The following SSC5D variants were observed in gnomAD, a reference collection of about 807,000 sequenced individuals.
The protein encoded by SSC5D is soluble scavenger receptor cysteine-rich domain-containing protein SSC5D.
Under a neutral mutation model 104.6 loss-of-function variants are expected in SSC5D, and 106 were observed. The ratio of observed to expected loss-of-function variants is 1.01; its 90% confidence interval spans 0.87 to 1.19. The LOEUF is 1.19. SSC5D is among the 50% of genes most tolerant of loss of function. SSC5D has a pLI of 0.00. For synonymous variants in SSC5D, 860 were observed against 883.5 expected (o/e 0.97, Z 0.47); for missense variants, 1,993 against 2,153.8 (o/e 0.93, Z 1.48).
Position 55,493,794 on chromosome 19 carries a change from C to T in SSC5D, c.1095C>T (p.Pro365=), listed in dbSNP as rs1349140934. 6.5e-7 allele frequency: 1 copy of T among 1,548,586 alleles called. No homozygotes were observed. Among genetic ancestry groups the T allele is most frequent in the Admixed American group, 2.0e-5 (1 of 50,902 alleles). ...GGAFFGEGSG[P]IILDDLRCRG... ...CCTTCTTTGGGGAGGGGTCTGGACC[C>T]ATCATCCTGGACGACCTTCGGTGTC... The change falls in exon 7 of 14, where the codon CCC becomes CCT. Residue 365 remains proline, a synonymous_variant. Transcript: ENST00000389623.
chr19:55,516,894 T>A (rs1372316843), intron 13 of SSC5D, among the ~76,000 whole-genome samples: 1 of 151,312 alleles, frequency 6.6e-6, no homozygotes, highest in Non-Finnish European at 1.5e-5. Context: ...TTCTGAGCAC[T>A]CCCGCCCCCT....
At chr19:55,506,585 G>A (rs1321991492) in intron 12 of SSC5D, among the ~76,000 whole-genome samples, 3 of 151,496 alleles carry the variant, frequency 2.0e-5, no homozygotes, top group South Asian at 2.1e-4. Flanking sequence ...TAGTAGAGAC[G>A]GGGTTTCACT....
chr19:55,513,104 C>A lies in SSC5D; in HGVS notation c.2879C>A (p.Pro960Gln). The A allele has an allele frequency of 1.3e-6, 2 of 1,548,326 alleles. No individual in the cohort carries two copies. Among genetic ancestry groups the A allele is most frequent in the Non-Finnish European group, 1.7e-6 (2 of 1,144,868 alleles). The change falls in exon 13 of 14, where the codon CCA becomes CAA. Residue 960 changes from proline to glutamine, a missense_variant. Physicochemically the swap from Pro to Gln is moderately conservative, Grantham distance 76. Coordinates refer to ENST00000389623, the MANE Select transcript of SSC5D (RefSeq NM_001144950.2). ...ACCCCTACCGCAGGCAAACTAGGACCAACTCTTGGGGCTGGCACCACCAGG... is the reference window on the plus strand; with the variant it reads ...ACCCCTACCGCAGGCAAACTAGGACAAACTCTTGGGGCTGGCACCACCAGG... Reference protein sequence around the residue: ...EGTPTAGKLGPTLGAGTTRSP... With the variant: ...EGTPTAGKLGQTLGAGTTRSP...
Position 55,498,009 on chromosome 19 carries a change from G to A in SSC5D, c.1517G>A (p.Arg506Gln), listed in dbSNP as rs1476437765. The change falls in exon 9 of 14, where the codon CGG (arginine) becomes CAG (glutamine). Residue 506 changes from arginine (R) to glutamine (Q), a missense_variant. Physicochemically the swap from Arg to Gln is conservative, Grantham distance 43. This residue lies in a region of SSC5D where 1,101 missense variants were observed against 1,085.0 expected (regional missense o/e 1.01). Transcript: ENST00000389623. Reference protein sequence around the residue: ...WDMRDSAVVCRELGCGGPQQP... With the variant: ...WDMRDSAVVCQELGCGGPQQP... Reference sequence around the variant, plus strand: ...ATGCGGGATTCAGCTGTGGTCTGCCGGGAGCTGGGCTGTGGTGGACCTCAG... The same window carrying A: ...ATGCGGGATTCAGCTGTGGTCTGCCAGGAGCTGGGCTGTGGTGGACCTCAG... 46 of 1,551,640 alleles carry A rather than the reference G, an allele frequency of 3.0e-5. No individual in the cohort carries two copies. The highest frequency in any genetic ancestry group is 3.7e-5 in the Non-Finnish European group (42 of 1,147,022).
chr19:55,499,872 C>T lies in SSC5D; in HGVS notation c.1762C>T (p.Leu588=). ...DPFSWSWIPG[L]GRDRDAWLPG... is the part of the protein sequence containing the mutation. ...CTTCAGCTGGAGCTGGATTCCTGGA[C>T]TGGGGAGAGATCGGGATGCCTGGCT... The change falls in exon 10 of 14, where the codon CTG becomes TTG. Residue 588 remains leucine (L), a synonymous_variant. Coordinates refer to ENST00000389623, the MANE Select transcript of SSC5D (RefSeq NM_001144950.2). 1 of 1,551,654 alleles carries T rather than the reference C, an allele frequency of 6.4e-7. No homozygotes were observed.
chr19:55,489,109 A>G, intron 2 of SSC5D, 77 bp downstream of exon 2: 2 of 785,032 alleles, frequency 2.5e-6, no homozygotes, highest in Non-Finnish European at 3.3e-6. Context: ...GCCTGGCCTC[A>G]CCCCCACTGG....
At chr19:55,508,668 G>C (rs1331756886) in intron 12 of SSC5D, among the ~76,000 whole-genome samples, 2 of 54,780 alleles carry the variant, frequency 3.7e-5, no homozygotes, top group Non-Finnish European at 6.2e-5. Flanking sequence ...CACAGGGGAT[G>C]GGGGGAGGCC....
In SSC5D at chr19:55,503,188, G is replaced by C. The variant is rs1187250393; in HGVS notation, c.2785+1987G>C. ...ACTCTTGGGCTCAAGTCATCGGCTT[G>C]CTGCGGCCTCCCAAAGTGCTGGAAT... On this transcript the variant is annotated intron_variant, in intron 12 of 13. Coordinates refer to ENST00000389623, the MANE Select transcript of SSC5D (RefSeq NM_001144950.2). The surrounding 1 kb of genome is among the most constrained non-coding windows in gnomAD (Gnocchi z 4.0). Among the ~76,000 whole-genome samples the C allele has an allele frequency of 6.6e-6, 1 of 152,164 alleles. No homozygotes were observed. The highest frequency in any genetic ancestry group is 1.5e-5 in the Non-Finnish European group (1 of 68,038).
intron 6 of SSC5D, among the ~76,000 whole-genome samples, 187 bp from the exon 7 acceptor site, chr19:55,493,408 G>A (rs7248639): frequency 0.059 from 9,018 of 152,250 alleles, 958 homozygotes; most frequent in African/African-American, 0.21. Flanking sequence ...AGGGATATGG[G>A]GGATGCGCCA....
chr19:55,507,807 G>T (rs1216356480), intron 12 of SSC5D, among the ~76,000 whole-genome samples: 1 of 152,134 alleles, frequency 6.6e-6, no homozygotes, highest in Non-Finnish European at 1.5e-5. Context: ...GGACTAGAGC[G>T]GAGTGTTGGG....
At chr19:55,496,619 CAGA>C (rs1987332433) in intron 8 of SSC5D, among the ~76,000 whole-genome samples, 2 of 152,170 alleles carry the variant, frequency 1.3e-5, no homozygotes, top group Non-Finnish European at 2.9e-5. Flanking sequence ...CTCCATGTTA[CAGA>C]TGAGGCAGCA....
intron 8 of SSC5D, among the ~76,000 whole-genome samples, chr19:55,495,541 G>A (rs1290711993): frequency 6.6e-6 from 1 of 150,538 alleles, no homozygotes; most frequent in Non-Finnish European, 1.5e-5. Context: ...TCTCTTTCAT[G>A]AGTATTGAAA....
In SSC5D at chr19:55,498,300, C is replaced by A; in HGVS notation, c.1705+103C>A. ...TGATTGAGTGCTTCCTAAGCCCCAG[C>A]CCTGTGCTGGGTGTTTTTGCACATA... On this transcript the variant is annotated intron_variant, in intron 9 of 13. Transcript: ENST00000389623. 3 of 1,266,208 alleles carry A rather than the reference C, an allele frequency of 2.4e-6. 1 individual carries two copies. Among genetic ancestry groups the A allele is most frequent in the Non-Finnish European group, 1.1e-6 (1 of 904,548 alleles). The allele number at this position is 1,266,208 out of a possible 1,614,324, so 78.4% of individuals were successfully genotyped here.
At chr19:55,509,456 G>A (rs376647249) in intron 12 of SSC5D, among the ~76,000 whole-genome samples, 10 of 152,264 alleles carry the variant, frequency 6.6e-5, no homozygotes, top group East Asian at 5.8e-4. Flanking sequence ...GGGAGTAACC[G>A]AAATGCCCAT....
chr19:55,489,057 T>TGGGGGGGGGGGGGGGGGGGGGGGGG lies in SSC5D; in HGVS notation c.52+26_52+27insGGGGGGGGGGGGGGGGGGGGGGGGG. ...GGTAAGTGCCCAGACTCCTCCCATC[T>TGGGGGGGGGGGGGGGGGGGGGGGGG]GCCCGCCCCCCCCCCCAGGCCTCCC... On this transcript the variant is annotated intron_variant, in intron 2 of 13. Transcript: ENST00000389623. 7 of 1,247,954 alleles carry TGGGGGGGGGGGGGGGGGGGGGGGGG rather than the reference T, an allele frequency of 5.6e-6. No homozygotes were observed. The East Asian group carries it at 1.5e-4, about 26-fold the overall frequency. The allele number at this position is 1,247,954 out of a possible 1,614,324, so 77.3% of individuals were successfully genotyped here.
rs990143958 is a variant in SSC5D, at chr19:55,489,278, C to T, written c.53-76C>T. 11 of 1,387,178 alleles carry T rather than the reference C, an allele frequency of 7.9e-6. No homozygotes were observed. The African/African-American group carries it at 1.5e-4, about 19-fold the overall frequency. The allele number at this position is 1,387,178 out of a possible 1,614,324, so 85.9% of individuals were successfully genotyped here. A position where few individuals can be genotyped will look rare whatever the true frequency, so the allele number is the denominator to read the frequency against. On this transcript the variant is annotated intron_variant, in intron 2 of 13. Coordinates refer to ENST00000389623, the MANE Select transcript of SSC5D (RefSeq NM_001144950.2). ...CAGACAGTACCTGCAGGACAGCCACCTGCCCCTACAGTTGCCCTGGCCTTG... is the reference window on the plus strand; with the variant it reads ...CAGACAGTACCTGCAGGACAGCCACTTGCCCCTACAGTTGCCCTGGCCTTG...
At chr19:55,489,257 C>T in intron 2 of SSC5D, 97 bp from the exon 3 acceptor site, 1 of 1,322,656 alleles carries the variant, frequency 7.6e-7, no homozygotes, top group Non-Finnish European at 9.9e-7. Context: ...GGCCTACAGA[C>T]AGTACCTGCA....
Position 55,518,879 on chromosome 19 carries a change from C to G in SSC5D, c.4603C>G (p.Leu1535Val). Residue 1535 changes from leucine (L) to valine (V), a missense_variant, in exon 14 of 14, where the codon CTG becomes GTG. Physicochemically the swap from Leu to Val is conservative, Grantham distance 32. Transcript: ENST00000389623. ...LTQLVEAARG[L>V]GQLGEAVKRL... is the part of the protein sequence containing the mutation. ...GCAGCTGGTAGAAGCTGCCCGGGGTCTGGGGCAGCTGGGTGAGGCTGTGAA... is the reference window on the plus strand; with the variant it reads ...GCAGCTGGTAGAAGCTGCCCGGGGTGTGGGGCAGCTGGGTGAGGCTGTGAA... 3.2e-6 allele frequency: 5 copies of G among 1,550,276 alleles called. No homozygotes were observed. The highest frequency in any genetic ancestry group is 4.4e-6 in the Non-Finnish European group (5 of 1,146,986).
rs671542 is a variant in SSC5D at position 55,513,152 on chromosome 19, T to C, written c.2927T>C (p.Leu976Pro). The C allele has an allele frequency of 1, 1,514,229 of 1,520,564 alleles. 754,198 individuals carry two copies. The highest frequency in any genetic ancestry group is 1 in the Non-Finnish European group (1,130,141 of 1,130,552). The allele number at this position is 1,520,564 out of a possible 1,614,324, so 94.2% of individuals were successfully genotyped here. A position where few individuals can be genotyped will look rare whatever the true frequency, so the allele number is the denominator to read the frequency against. The change falls in exon 13 of 14, where the codon CTG becomes CCG. Residue 976 changes from leucine to proline, a missense_variant. Transcript: ENST00000389623. ...TTRSPGSPPT[L>P]RVHGDTGSPR... ...AGGAGCCCAGGCAGTCCTCCAACTCTGAGAGTCCATGGAGACACAGGTGAG... is the reference window on the plus strand; with the variant it reads ...AGGAGCCCAGGCAGTCCTCCAACTCCGAGAGTCCATGGAGACACAGGTGAG...
Sources: gnomAD v4.1 joint callset for allele counts (sites outside exome capture counted in the v4.1 genomes callset) on GRCh38, gnomAD v4.1.1 for gene constraint, gnomAD v4.1.1 regional missense constraint, Gnocchi (gnomAD v3.1) non-coding constraint, MANE v1.5 for transcripts, NCBI Gene and HGNC (gene_info 2026-07-23, HGNC 2026-07-21) for gene names.